GDNF: variants seen among roughly 807,000 people sequenced by gnomAD.
The protein encoded by GDNF is glial cell line-derived neurotrophic factor.
GDNF carries 5 observed loss-of-function variants against 13.7 expected under a neutral mutation model. The observed-to-expected ratio is 0.36, with a 90% confidence interval of 0.19 to 0.77. GDNF has a LOEUF of 0.77. Ranked by LOEUF, GDNF falls within the 30% of genes least tolerant of loss-of-function variation. The pLI is 0.51. For synonymous variants in GDNF, 122 were observed against 112.5 expected, an observed-to-expected ratio of 1.08 and a Z score of -0.53; for missense variants, 246 against 274.3, an observed-to-expected ratio of 0.90 and a Z score of 0.73.
intron 1 of GDNF, among the ~76,000 whole-genome samples, chr5:37,836,719 G>A (rs775762259): frequency 1.8e-4 from 28 of 152,230 alleles, no homozygotes; most frequent in African/African-American, 6.8e-4. Context: ...CGGTCCGACC[G>A]GAGGAGCATG....
chr5:37,829,514 C>T (rs1307646622), intron 2 of GDNF, among the ~76,000 whole-genome samples: 1 of 152,218 alleles, frequency 6.6e-6, no homozygotes, highest in African/African-American at 2.4e-5. Flanking sequence ...ACTTTATTTA[C>T]AAATTTAGCC....
At chr5:37,824,111 T>G (rs1445326472) in intron 2 of GDNF, 1 of 877,746 alleles carries the variant, frequency 1.1e-6, no homozygotes. Context: ...AGGTAAAAGA[T>G]GTGTAGAAAG....
chr5:37,813,867 C>G lies in GDNF; in HGVS notation c.*1784G>C, dbSNP rs979962420. On this transcript the variant is annotated 3_prime_UTR_variant, in exon 3 of 3. Coordinates refer to ENST00000326524, the MANE Select transcript of GDNF (RefSeq NM_000514.4). ...TGTGAGCCGCTGCACTGGCCCCGACCACCTTCATTTAAAGGCAGCACGCTC... is the reference window on the plus strand; with the variant it reads ...TGTGAGCCGCTGCACTGGCCCCGACGACCTTCATTTAAAGGCAGCACGCTC... The G allele has an allele frequency of 6.5e-6, 1 of 152,892 alleles. No homozygotes were observed. The highest frequency in any genetic ancestry group is 2.4e-5 in the African/African-American group (1 of 41,442). The allele number at this position is 152,892 out of a possible 1,614,324, so 9.5% of individuals were successfully genotyped here. A position where few individuals can be genotyped will look rare whatever the true frequency, so the allele number is the denominator to read the frequency against.
chr5:37,816,598 G>C (rs1421539144), intron 2 of GDNF, among the ~76,000 whole-genome samples: 2 of 152,148 alleles, frequency 1.3e-5, no homozygotes, highest in Non-Finnish European at 2.9e-5. Flanking sequence ...ATTTGGTCTG[G>C]GGAGGGACCA....
chr5:37,836,938 CAG>C (rs1271859610), intron 1 of GDNF, among the ~76,000 whole-genome samples: 2 of 152,244 alleles, frequency 1.3e-5, no homozygotes, highest in African/African-American at 4.8e-5. Flanking sequence ...CCCGCGTCGC[CAG>C]AGGAGGCTCC....
At chr5:37,834,229 TAGTTCTCAGA>T (rs1750619117) in intron 2 of GDNF, among the ~76,000 whole-genome samples, 1 of 152,188 alleles carries the variant, frequency 6.6e-6, no homozygotes, top group South Asian at 2.1e-4. Context: ...GAAAGTGCAA[TAGTTCTCAGA>T]ATTAAGCACA....
intron 2 of GDNF, among the ~76,000 whole-genome samples, chr5:37,822,613 CCCCTAATGGTGGG>C (rs1449588266): frequency 6.6e-6 from 1 of 152,136 alleles, no homozygotes; most frequent in Non-Finnish European, 1.5e-5. Context: ...AATGGAAAAC[CCCCTAATGGTGGG>C]AGACATTTAA....
intron 2 of GDNF, chr5:37,824,288 A>T (rs1415032858): frequency 6.6e-6 from 1 of 152,152 alleles, no homozygotes; most frequent in African/African-American, 2.4e-5. Context: ...CAAACACTCA[A>T]TTTACCATTT....
chr5:37,820,303 CTT>C (rs1294837780), intron 2 of GDNF, among the ~76,000 whole-genome samples: 1 of 152,142 alleles, frequency 6.6e-6, no homozygotes, highest in Non-Finnish European at 1.5e-5. Context: ...TGATATATAA[CTT>C]TTTATTACTA....
intron 2 of GDNF, among the ~76,000 whole-genome samples, chr5:37,822,844 A>G (rs1279710137): frequency 1.3e-5 from 2 of 152,254 alleles, no homozygotes; most frequent in African/African-American, 4.8e-5. Flanking sequence ...CTTCTCAAGA[A>G]GAGTCCCAAT....
At chr5:37,825,960 G>T (rs1174353925) in intron 2 of GDNF, among the ~76,000 whole-genome samples, 2 of 152,192 alleles carry the variant, frequency 1.3e-5, no homozygotes, top group African/African-American at 2.4e-5. Context: ...ATGAGATACG[G>T]TTATCATTCT....
rs1323405033 is a variant in GDNF, at chr5:37,838,001, T to TC, written c.-27+1505_-27+1506insG. 6.6e-6 allele frequency among the ~76,000 whole-genome samples: 1 copy of TC among 151,270 alleles called. No homozygotes were observed. The highest frequency in any genetic ancestry group is 1.5e-5 in the Non-Finnish European group (1 of 67,662). On this transcript the variant is annotated intron_variant, in intron 1 of 2. Transcript: ENST00000326524. This position sits in a 1 kb window ranked among gnomAD's most constrained non-coding sequence, Gnocchi z 4.1. ...GGGTTTGCTATAAACTCGGTTTTTT[T>TC]TTTTTTTTTTTTGGCGGGGGGAGGT...
Position 37,839,200 on chromosome 5 carries a change from C to G in GDNF, c.-27+307G>C, listed in dbSNP as rs1056776940. Among the ~76,000 whole-genome samples, 2 of 152,140 alleles carry G rather than the reference C, an allele frequency of 1.3e-5. No homozygotes were observed. The highest frequency in any genetic ancestry group is 4.8e-5 in the African/African-American group (2 of 41,438). On this transcript the variant is annotated intron_variant, in intron 1 of 2. Transcript: ENST00000326524. This position sits in a 1 kb window ranked among gnomAD's most constrained non-coding sequence, Gnocchi z 5.5. ...GTTCTGTGACTTGACGGAAGAGCACCTGGCCGAGTCGGGGAAGGAAACTGC... is the reference window on the plus strand; with the variant it reads ...GTTCTGTGACTTGACGGAAGAGCACGTGGCCGAGTCGGGGAAGGAAACTGC...
chr5:37,834,564 G>A (rs998789346), intron 2 of GDNF, 82 bp downstream of exon 2: 1 of 1,241,368 alleles, frequency 8.1e-7, no homozygotes, highest in Non-Finnish European at 1.1e-6. Flanking sequence ...AGGCTGGCTT[G>A]GGGTACGTGC....
At chr5:37,816,960 A>G (rs1293239044) in intron 2 of GDNF, among the ~76,000 whole-genome samples, 1 of 152,258 alleles carries the variant, frequency 6.6e-6, no homozygotes, top group Non-Finnish European at 1.5e-5. Flanking sequence ...TTAACAAAAA[A>G]GTCCAGTGAT....
chr5:37,816,211 C>T, intron 2 of GDNF, 76 bp from the exon 3 acceptor site: 1 of 1,507,634 alleles, frequency 6.6e-7, no homozygotes, highest in Non-Finnish European at 9.1e-7. Context: ...TCAAAGTGCC[C>T]CCCTAAAGTC....
chr5:37,821,226 T>C (rs1175554965), intron 2 of GDNF, among the ~76,000 whole-genome samples: 1 of 152,170 alleles, frequency 6.6e-6, no homozygotes, highest in Non-Finnish European at 1.5e-5. Context: ...GGTGATGAGC[T>C]GAAATGCCCA....
At chr5:37,831,456 A>G (rs1750521402) in intron 2 of GDNF, among the ~76,000 whole-genome samples, 1 of 152,258 alleles carries the variant, frequency 6.6e-6, no homozygotes, top group Admixed American at 6.5e-5. Flanking sequence ...TACTTATTAA[A>G]TACATTTAGA....
At chr5:37,835,011 C>A in intron 1 of GDNF, 189 bp from the exon 2 acceptor site, 1 of 601,332 alleles carries the variant, frequency 1.7e-6, no homozygotes, top group South Asian at 2.0e-5. Context: ...CCTCAGCGCG[C>A]CCCAGGAGCA....
Sources: gnomAD v4.1 joint callset for allele counts (sites outside exome capture counted in the v4.1 genomes callset) on GRCh38, gnomAD v4.1.1 for gene constraint, Gnocchi (gnomAD v3.1) non-coding constraint, MANE v1.5 for transcripts, NCBI Gene and HGNC (gene_info 2026-07-23, HGNC 2026-07-21) for gene names.